The following SV2C variants were observed in gnomAD, a reference collection of about 807,000 sequenced individuals.
SV2C encodes the protein synaptic vesicle glycoprotein 2C.
SV2C carries 49 observed loss-of-function variants against 79.7 expected under a neutral mutation model. That is an observed-to-expected ratio of 0.61 (90% confidence interval 0.49 to 0.78). SV2C has a LOEUF of 0.78. Among genes scored for constraint, SV2C ranks in the 30% least tolerant of loss-of-function variants. SV2C has a pLI of 0.00. For synonymous variants in SV2C, 334 were observed against 333.2 expected, an observed-to-expected ratio of 1.00 and a Z score of -0.03; for missense variants, 833 against 912.9, an observed-to-expected ratio of 0.91 and a Z score of 1.13.
the SV2C span, among the ~76,000 whole-genome samples, chr5:75,872,414 C>T: frequency 6.6e-5 from 10 of 151,686 alleles, no homozygotes; most frequent in Admixed American, 6.6e-5. Context: ...TCTGAAATTC[C>T]CTGGAATGGT....
At chr5:76,034,179 T>C in the SV2C span, among the ~76,000 whole-genome samples, 4 of 151,540 alleles carry the variant, frequency 2.6e-5, no homozygotes, top group South Asian at 8.3e-4. Context: ...AGATATACAA[T>C]CATGTCATCT....
intron 2 of SV2C, among the ~76,000 whole-genome samples, chr5:76,184,405 A>T (rs2358532): frequency 6.6e-6 from 1 of 152,122 alleles, no homozygotes; most frequent in Admixed American, 6.5e-5. Context: ...TCATTTGTTC[A>T]GTCAGTGATT....
the SV2C span, among the ~76,000 whole-genome samples, chr5:75,966,029 C>G: frequency 1.3e-5 from 2 of 152,152 alleles, no homozygotes; most frequent in Non-Finnish European, 2.9e-5. Context: ...ACTGTGGAAG[C>G]AAAGACACTA....
intron 4 of SV2C, among the ~76,000 whole-genome samples, chr5:76,231,519 G>C (rs556088195): frequency 1.3e-5 from 2 of 151,062 alleles, no homozygotes; most frequent in African/African-American, 4.9e-5. Context: ...CATGTGCCAT[G>C]CTGGTGCGCC....
At position 76,325,412 on chromosome 5, in the gene SV2C, C is replaced by A. The variant is rs369838686; in HGVS notation, c.2049C>A (p.Val683=). 1.9e-6 allele frequency: 3 copies of A among 1,614,096 alleles called. No homozygotes were observed. Among genetic ancestry groups the A allele is most frequent in the Admixed American group, 1.7e-5 (1 of 60,006 alleles). The change falls in exon 13 of 13, where the codon GTC becomes GTA. Residue 683 remains valine, a synonymous_variant. Transcript: ENST00000502798. ...ATGCGCTATGCAAGGCAGCAGCCGT[C>A]CTGGGAAACTTAATATTTGGCTCTC... ...FLNALCKAAA[V]LGNLIFGSLV...
At chr5:76,117,837 T>C (rs1209470240) in intron 1 of SV2C, among the ~76,000 whole-genome samples, 3 of 152,056 alleles carry the variant, frequency 2.0e-5, no homozygotes, top group Non-Finnish European at 4.4e-5. Flanking sequence ...CTTAATAAAC[T>C]TACAACAAAG....
the SV2C span, among the ~76,000 whole-genome samples, chr5:75,922,184 AT>A: frequency 1.2e-4 from 19 of 152,244 alleles, 1 homozygote; most frequent in South Asian, 3.5e-3. Flanking sequence ...AAATAACTGA[AT>A]TTAAGGAGGA....
intron 2 of SV2C, among the ~76,000 whole-genome samples, chr5:76,193,223 TG>T (rs2112324650): frequency 6.6e-6 from 1 of 152,232 alleles, no homozygotes; most frequent in East Asian, 1.9e-4. Flanking sequence ...GAGGCCATTC[TG>T]CCTTCGTTTT....
rs56729926 is a variant in SV2C, at chr5:76,111,183, G to A, written c.-101-20467G>A. Among the ~76,000 whole-genome samples the A allele has an allele frequency of 9.3e-3, 1,411 of 152,214 alleles. 23 individuals carry two copies. The highest frequency in any genetic ancestry group is 0.032 in the African/African-American group (1,341 of 41,532). ...GTGAGGAACCTTTTTTGGGGGAGGAGAAGTGGGGACGGATTCTAAAAGATC... is the reference window on the plus strand; with the variant it reads ...GTGAGGAACCTTTTTTGGGGGAGGAAAAGTGGGGACGGATTCTAAAAGATC... On this transcript the variant is annotated intron_variant, in intron 1 of 12. Transcript: ENST00000502798.
upstream of SV2C, among the ~76,000 whole-genome samples, chr5:76,082,634 ACC>A (rs70979367): frequency 8.5e-3 from 945 of 111,292 alleles, 10 homozygotes; most frequent in African/African-American, 0.028. Context: ...CTCTCTCTCC[ACC>A]CCCCCCCCCT....
chr5:75,850,912 G>A, the SV2C span, among the ~76,000 whole-genome samples: 2 of 152,078 alleles, frequency 1.3e-5, no homozygotes, highest in Non-Finnish European at 2.9e-5. Flanking sequence ...TGATAAGTCG[G>A]GCATAGGAAG....
the SV2C span, among the ~76,000 whole-genome samples, chr5:75,854,184 G>T: frequency 1.3e-5 from 2 of 152,022 alleles, no homozygotes; most frequent in African/African-American, 2.4e-5. Flanking sequence ...GAGATTCATA[G>T]ACATTTTTCA....
the SV2C span, among the ~76,000 whole-genome samples, chr5:75,885,054 A>C: frequency 6.6e-6 from 1 of 152,200 alleles, no homozygotes; most frequent in Non-Finnish European, 1.5e-5. Flanking sequence ...GAAAATTATT[A>C]CATAACCAGC....
intron 2 of SV2C, among the ~76,000 whole-genome samples, chr5:76,143,456 A>G (rs894378783): frequency 6.6e-5 from 10 of 152,134 alleles, no homozygotes; most frequent in Admixed American, 6.5e-4. Flanking sequence ...GTGCTGTGTG[A>G]CACTGTCTCA....
At chr5:75,876,486 G>C in the SV2C span, among the ~76,000 whole-genome samples, 6 of 152,054 alleles carry the variant, frequency 3.9e-5, no homozygotes, top group Non-Finnish European at 5.9e-5. Flanking sequence ...TTAATACCTG[G>C]ATGATGAAAT....
At chr5:76,249,956 C>G (rs1746063486) in intron 4 of SV2C, among the ~76,000 whole-genome samples, 1 of 152,142 alleles carries the variant, frequency 6.6e-6, no homozygotes. Flanking sequence ...TTAACATTAC[C>G]CCTCAATGGG....
At chr5:76,181,358 G>A in intron 2 of SV2C, among the ~76,000 whole-genome samples, 1 of 152,216 alleles carries the variant, frequency 6.6e-6, no homozygotes, top group East Asian at 1.9e-4. Flanking sequence ...GCCTTTTACA[G>A]AAAGTCTGCC....
the SV2C span, among the ~76,000 whole-genome samples, chr5:75,907,002 T>TATTG: frequency 6.6e-6 from 1 of 152,206 alleles, no homozygotes; most frequent in Admixed American, 6.5e-5. Flanking sequence ...AACTCTGTCT[T>TATTG]AGAACATCTC....
At chr5:76,183,447 A>T (rs1453720200) in intron 2 of SV2C, among the ~76,000 whole-genome samples, 1 of 150,518 alleles carries the variant, frequency 6.6e-6, no homozygotes, top group South Asian at 2.1e-4. Context: ...TCCAAATCTC[A>T]TGTTAAATTG....
Sources: gnomAD v4.1 joint callset for allele counts (sites outside exome capture counted in the v4.1 genomes callset) on GRCh38, gnomAD v4.1.1 for gene constraint, MANE v1.5 for transcripts, NCBI Gene and HGNC (gene_info 2026-07-23, HGNC 2026-07-21) for gene names.